LHFPL2: variants seen among roughly 807,000 people sequenced by gnomAD.
The protein encoded by LHFPL2 is LHFPL tetraspan subfamily member 2 protein.
LHFPL2 carries 7 observed loss-of-function variants against 17.5 expected under a neutral mutation model. The observed-to-expected ratio is 0.40, with a 90% confidence interval of 0.23 to 0.75. The LOEUF (loss-of-function observed/expected upper bound fraction) is 0.75, where lower values mean the gene tolerates loss of function less well. Among genes scored for constraint, LHFPL2 ranks in the 30% least tolerant of loss-of-function variants. The pLI is 0.37. For missense variants in LHFPL2, 241 were observed against 294.8 expected, an observed-to-expected ratio of 0.82 and a Z score of 1.34; for synonymous variants, 134 against 116.2, an observed-to-expected ratio of 1.15 and a Z score of -0.99.
intron 1 of LHFPL2, among the ~76,000 whole-genome samples, chr5:78,645,565 C>CACAT (rs1326941121): frequency 5.4e-4 from 82 of 151,416 alleles, no homozygotes; most frequent in African/African-American, 1.7e-3. Flanking sequence ...CACACACACA[C>CACAT]ACACACACAC....
At chr5:78,530,176 T>G (rs1484499046) in intron 3 of LHFPL2, among the ~76,000 whole-genome samples, 3 of 152,214 alleles carry the variant, frequency 2.0e-5, no homozygotes, top group African/African-American at 4.8e-5. Flanking sequence ...CAAATAATTT[T>G]TTTAAATTTT....
chr5:78,553,180 C>A (rs944389540), intron 3 of LHFPL2, among the ~76,000 whole-genome samples: 16 of 152,208 alleles, frequency 1.1e-4, no homozygotes, highest in Non-Finnish European at 2.1e-4. Context: ...TCTGTCACCC[C>A]AAACCACTCA....
chr5:78,618,295 T>A (rs1457990253), intron 2 of LHFPL2, among the ~76,000 whole-genome samples: 1 of 151,938 alleles, frequency 6.6e-6, no homozygotes, highest in Non-Finnish European at 1.5e-5. Context: ...GATGAAGAGG[T>A]TGATTTTATT....
chr5:78,600,917 C>G (rs1158350266), intron 2 of LHFPL2, among the ~76,000 whole-genome samples: 1 of 152,106 alleles, frequency 6.6e-6, no homozygotes, highest in African/African-American at 2.4e-5. Flanking sequence ...TTTATTTTGG[C>G]CTGTGTCTGA....
intron 3 of LHFPL2, among the ~76,000 whole-genome samples, chr5:78,563,530 T>C (rs1055688456): frequency 1.3e-5 from 2 of 151,924 alleles, no homozygotes; most frequent in African/African-American, 4.8e-5. Flanking sequence ...ACCCCGTCTC[T>C]ACTAAAAATA....
chr5:78,647,890 T>C (rs530923990), intron 1 of LHFPL2, among the ~76,000 whole-genome samples: 3 of 150,700 alleles, frequency 2.0e-5, no homozygotes, highest in African/African-American at 7.3e-5. Context: ...CCCCAGTCCT[T>C]TGCCCAGCCC....
intron 3 of LHFPL2, among the ~76,000 whole-genome samples, chr5:78,513,740 A>G (rs115538666): frequency 5.9e-4 from 90 of 152,328 alleles, no homozygotes; most frequent in African/African-American, 2.1e-3. Context: ...TCTTTCACTT[A>G]GTTCTCATTC....
chr5:78,621,112 G>T (rs1310179778), intron 2 of LHFPL2, among the ~76,000 whole-genome samples: 2 of 151,806 alleles, frequency 1.3e-5, no homozygotes, highest in African/African-American at 2.4e-5. Flanking sequence ...GAATCCTTAG[G>T]AGTCACTTTT....
At chr5:78,644,294 C>G in intron 1 of LHFPL2, 2 of 1,065,358 alleles carry the variant, frequency 1.9e-6, no homozygotes, top group Non-Finnish European at 1.4e-6. Flanking sequence ...CATCTTCCTC[C>G]TCTTCCTTCT....
At chr5:78,571,902 A>G (rs1038597733) in intron 2 of LHFPL2, among the ~76,000 whole-genome samples, 1 of 152,234 alleles carries the variant, frequency 6.6e-6, no homozygotes, top group Non-Finnish European at 1.5e-5. Flanking sequence ...CTCCCTGCAG[A>G]CAAGGCTTTT....
At chr5:78,591,132 G>A (rs1400753503) in intron 2 of LHFPL2, among the ~76,000 whole-genome samples, 1 of 152,164 alleles carries the variant, frequency 6.6e-6, no homozygotes, top group Non-Finnish European at 1.5e-5. Context: ...CTCAGGCTTA[G>A]TCCCTATCTA....
intron 3 of LHFPL2, among the ~76,000 whole-genome samples, chr5:78,541,832 C>T (rs568980088): frequency 3.9e-5 from 6 of 152,188 alleles, no homozygotes; most frequent in South Asian, 2.1e-4. Flanking sequence ...GGAGTGCCTG[C>T]GACCTGATTA....
At chr5:78,526,236 C>A (rs565427115) in intron 3 of LHFPL2, among the ~76,000 whole-genome samples, 67 of 152,314 alleles carry the variant, frequency 4.4e-4, no homozygotes, top group African/African-American at 1.6e-3. Context: ...TGGACGGACT[C>A]ACTGGAACAC....
intron 3 of LHFPL2, among the ~76,000 whole-genome samples, chr5:78,550,433 C>A (rs1756407016): frequency 6.6e-6 from 1 of 152,184 alleles, no homozygotes; most frequent in Non-Finnish European, 1.5e-5. Context: ...AGTCTCAATT[C>A]AGGGCCCAAA....
chr5:78,586,038 G>C (rs1296105981), intron 2 of LHFPL2, among the ~76,000 whole-genome samples: 2 of 152,152 alleles, frequency 1.3e-5, no homozygotes, highest in South Asian at 2.1e-4. Flanking sequence ...TGAGGATGAG[G>C]AACAGCACCA....
At chr5:78,544,770 C>T (rs1412077430) in intron 3 of LHFPL2, among the ~76,000 whole-genome samples, 1 of 151,144 alleles carries the variant, frequency 6.6e-6, no homozygotes, top group African/African-American at 2.4e-5. Flanking sequence ...CACACACACA[C>T]GTATACACAC....
At chr5:78,527,013 ACTTAAAATACC>A (rs773708966) in intron 3 of LHFPL2, among the ~76,000 whole-genome samples, 2 of 152,266 alleles carry the variant, frequency 1.3e-5, no homozygotes, top group Non-Finnish European at 2.9e-5. Flanking sequence ...TACAGAGTTG[ACTTAAAATACC>A]CTAAACTATT....
intron 2 of LHFPL2, among the ~76,000 whole-genome samples, chr5:78,611,499 C>G (rs1236842730): frequency 6.6e-6 from 1 of 152,168 alleles, no homozygotes; most frequent in Non-Finnish European, 1.5e-5. Flanking sequence ...CCCAGGAAGT[C>G]CCGCCAGAAT....
At chr5:78,523,395 AGT>A (rs779475900) in intron 3 of LHFPL2, among the ~76,000 whole-genome samples, 5 of 152,196 alleles carry the variant, frequency 3.3e-5, no homozygotes, top group Non-Finnish European at 5.9e-5. Flanking sequence ...GGGAGCTCTC[AGT>A]GTACAGAAAG....
Sources: gnomAD v4.1 joint callset for allele counts (sites outside exome capture counted in the v4.1 genomes callset) on GRCh38, gnomAD v4.1.1 for gene constraint, MANE v1.5 for transcripts, NCBI Gene and HGNC (gene_info 2026-07-23, HGNC 2026-07-21) for gene names.